DOK7: variants seen among roughly 807,000 people sequenced by gnomAD.
DOK7 encodes the protein docking protein 7.
In DOK7, 32 loss-of-function variants were observed where a neutral mutation model predicts 30.7. The observed-to-expected ratio is 1.04, with a 90% CI of 0.79 to 1.40. The LOEUF (loss-of-function observed/expected upper bound fraction) is 1.40. Among genes scored for constraint, DOK7 ranks in the 40% most tolerant of loss-of-function variants. DOK7 has a pLI of 0.00. For missense variants in DOK7, 1,007 were observed against 699.2 expected (o/e 1.44, Z -4.97); for synonymous variants, 447 against 324.1 (o/e 1.38, Z -4.07).
intron 6 of DOK7, among the ~76,000 whole-genome samples, chr4:3,499,678 G>GA (rs1284464940): frequency 2.0e-5 from 3 of 151,898 alleles, no homozygotes; most frequent in East Asian, 2.0e-4. Flanking sequence ...TATGAGGGGG[G>GA]AGAGGGTGTG....
chr4:3,485,261 A>C (rs986621302), intron 4 of DOK7: 13 of 374,210 alleles, frequency 3.5e-5, no homozygotes, highest in African/African-American at 2.7e-4. Context: ...GGCAGCACTC[A>C]CCCCAGCGCC....
At chr4:3,468,444 G>GTATC (rs1553845252) in intron 2 of DOK7, among the ~76,000 whole-genome samples, 2 of 131,318 alleles carry the variant, frequency 1.5e-5, no homozygotes, top group Non-Finnish European at 3.3e-5. Context: ...ACATGTACGA[G>GTATC]TGTGTGCCTG....
Position 3,493,756 on chromosome 4 carries a change from G to A in DOK7, c.*255G>A. 2 of 1,405,356 alleles carry A rather than the reference G, an allele frequency of 1.4e-6. No homozygotes were observed. Among genetic ancestry groups the A allele is most frequent in the Non-Finnish European group, 9.2e-7 (1 of 1,083,642 alleles). The allele number at this position is 1,405,356 out of a possible 1,614,324, so 87.1% of individuals were successfully genotyped here. A position where few individuals can be genotyped will look rare whatever the true frequency, so the allele number is the denominator to read the frequency against. On this transcript the variant is annotated 3_prime_UTR_variant, in exon 7 of 7. Coordinates refer to ENST00000340083, the MANE Select transcript of DOK7 (RefSeq NM_173660.5). ...GTCACCAGAGCCCCAATGCTCAGCT[G>A]CTTCACTCCGTGTCCCCCACCCCTG... is the stretch of plus-strand genomic sequence containing the variant.
At chr4:3,481,239 T>C (rs903678250) in intron 4 of DOK7, among the ~76,000 whole-genome samples, 28 of 152,038 alleles carry the variant, frequency 1.8e-4, no homozygotes, top group African/African-American at 6.8e-4. Context: ...GAGTGTTTTA[T>C]ATGCTAATGT....
chr4:3,480,519 A>C (rs1398067694), intron 4 of DOK7, among the ~76,000 whole-genome samples: 1 of 152,286 alleles, frequency 6.6e-6, no homozygotes, highest in Non-Finnish European at 1.5e-5. Context: ...GAGGTGGGAA[A>C]ATCACTTGAA....
At chr4:3,482,522 C>T (rs949070566) in intron 4 of DOK7, among the ~76,000 whole-genome samples, 3 of 152,252 alleles carry the variant, frequency 2.0e-5, no homozygotes, top group African/African-American at 4.8e-5. Context: ...TCCCTCATGC[C>T]ACTTTATGCC....
At chr4:3,478,372 G>C (rs755119984) in intron 4 of DOK7, among the ~76,000 whole-genome samples, 1 of 152,234 alleles carries the variant, frequency 6.6e-6, no homozygotes, top group Non-Finnish European at 1.5e-5. Flanking sequence ...TCCCCAGGGC[G>C]AGGCTACTGT....
intron 2 of DOK7, among the ~76,000 whole-genome samples, chr4:3,466,637 C>T (rs1015522627): frequency 6.6e-6 from 1 of 152,234 alleles, no homozygotes; most frequent in African/African-American, 2.4e-5. Flanking sequence ...GCCCCCGCGT[C>T]AGGACAGGGA....
At chr4:3,487,501 C>T (rs563773814) in intron 5 of DOK7, among the ~76,000 whole-genome samples, 62 of 152,332 alleles carry the variant, frequency 4.1e-4, no homozygotes, top group Non-Finnish European at 7.9e-4. Context: ...CTTGGTCTTC[C>T]GCATGTGGAC....
chr4:3,500,981 G>A, exon 8 of DOK7: 1 of 1,227,966 alleles, frequency 8.1e-7, no homozygotes, highest in Non-Finnish European at 1.1e-6. Flanking sequence ...GTGCAAACAG[G>A]AAGTTTTCAG....
At chr4:3,490,111 C>CTCATTCATTCCTTTCTTCCCCCCCTT (rs199921650) in intron 6 of DOK7, among the ~76,000 whole-genome samples, 1 of 23,776 alleles carries the variant, frequency 4.2e-5, no homozygotes, top group African/African-American at 2.4e-4. Flanking sequence ...TCTTCACCCC[C>CTCATTCATTCCTTTCTTCCCCCCCTT]ATTCATTCCT....
intron 6 of DOK7, chr4:3,500,131 G>A (rs1033474384): frequency 1.6e-6 from 2 of 1,244,186 alleles, no homozygotes; most frequent in Admixed American, 4.6e-5. Flanking sequence ...CTTCCAAGGT[G>A]CAGGAGAGGC....
chr4:3,477,722 G>T (rs1462590834), intron 4 of DOK7, among the ~76,000 whole-genome samples: 1 of 152,184 alleles, frequency 6.6e-6, no homozygotes, highest in South Asian at 2.1e-4. Flanking sequence ...CGGCCCCTGG[G>T]GCTGGCAGGG....
chr4:3,471,491 C>T lies in DOK7; in HGVS notation c.101-1915C>T, dbSNP rs139600507. On this transcript the variant is annotated intron_variant, in intron 2 of 6. Coordinates refer to ENST00000340083, the MANE Select transcript of DOK7 (RefSeq NM_173660.5). ...TAGGGTCCCCCAAGGCAGAGGTGGC[C>T]CGGGCCCCTGCAGCGATCTCACAAC... Among the ~76,000 whole-genome samples the T allele has an allele frequency of 8.1e-3, 1,230 of 152,332 alleles. 16 individuals are homozygous for T. Among genetic ancestry groups the T allele is most frequent in the African/African-American group, 0.028 (1,168 of 41,580 alleles).
chr4:3,484,561 G>A lies in DOK7; in HGVS notation c.533-978G>A, dbSNP rs926950156. The A allele has an allele frequency of 2.1e-5, 21 of 985,370 alleles. No individual in the cohort carries two copies. In the African/African-American group the frequency reaches 3.7e-4, roughly 17 times the overall value. 61.0% of individuals were successfully genotyped at this position (985,370 alleles called of 1,614,324 possible). On this transcript the variant is annotated intron_variant, in intron 4 of 6. Coordinates refer to ENST00000340083, the MANE Select transcript of DOK7 (RefSeq NM_173660.5). ...AGTGGCCCATTCACGCGGCCGCCAG[G>A]GCTTCATTCACCCCTGGCCGGGAGG...
chr4:3,496,836 C>T (rs776436187), downstream of DOK7: 10 of 1,535,700 alleles, frequency 6.5e-6, no homozygotes, highest in South Asian at 5.9e-5. Flanking sequence ...GCAGCCTCAG[C>T]CCCAGGACCT....
At chr4:3,469,175 G>A (rs1726592420) in intron 2 of DOK7, among the ~76,000 whole-genome samples, 1 of 150,888 alleles carries the variant, frequency 6.6e-6, no homozygotes. Context: ...GTGTGTGTGT[G>A]CGTCTGTGTG....
chr4:3,485,714 TC>T, intron 5 of DOK7, 56 bp downstream of exon 5: 1 of 1,450,942 alleles, frequency 6.9e-7, no homozygotes, highest in South Asian at 1.5e-5. Flanking sequence ...CTGTGCGACG[TC>T]CCGGGGCGGG....
At position 3,493,088 on chromosome 4, in the gene DOK7, G is replaced by T. The variant is rs982813103; in HGVS notation, c.1102G>T (p.Glu368Ter). Reference sequence around the variant, plus strand: ...CCTGGACGTGTGGCGGGCCACAGATGAACTGGGCTCACTGCTCAGCCTGCC... The same window carrying T: ...CCTGGACGTGTGGCGGGCCACAGATTAACTGGGCTCACTGCTCAGCCTGCC... Reference protein sequence around the residue: ...SSLDVWRATDELGSLLSLPAA... With the variant: ...SSLDVWRATD The change falls in exon 7 of 7, where the codon GAA becomes TAA. Residue 368 changes from glutamate (E) to a stop codon, truncating the protein, a stop_gained. Transcript: ENST00000340083. LOFTEE classifies it low-confidence loss of function (END_TRUNC). The T allele has an allele frequency of 6.3e-7, 1 of 1,578,618 alleles. No individual in the cohort carries two copies. The highest frequency in any genetic ancestry group is 8.6e-7 in the Non-Finnish European group (1 of 1,166,548).
Sources: allele counts gnomAD v4.1 joint callset (sites outside exome capture counted in the v4.1 genomes callset), GRCh38; gene constraint gnomAD v4.1.1; transcripts MANE v1.5; gene names NCBI Gene and HGNC (gene_info 2026-07-23, HGNC 2026-07-21).